The following NECAP1 variants were observed in gnomAD, a reference collection of about 807,000 sequenced individuals.
The protein encoded by NECAP1 is adaptin ear-binding coat-associated protein 1.
A neutral mutation model predicts 33.4 loss-of-function variants in NECAP1; 13 were observed. The observed-to-expected ratio is 0.39, with a 90% CI of 0.25 to 0.62. NECAP1 has a LOEUF of 0.62. Among genes scored for constraint, NECAP1 ranks in the 20% least tolerant of loss-of-function variants. NECAP1 has a pLI of 0.52. For synonymous variants in NECAP1, 109 were observed against 125.2 expected (o/e 0.87, Z 0.86); for missense variants, 272 against 347.4 (o/e 0.78, Z 1.73).
At position 8,082,465 on chromosome 12, in the gene NECAP1, C is replaced by T. The variant is rs1947448455; in HGVS notation, c.95+82C>T. 9.6e-6 allele frequency: 12 copies of T among 1,250,732 alleles called. No homozygotes were observed. In the South Asian group the frequency reaches 1.5e-4, roughly 16 times the overall value. 77.5% of individuals were successfully genotyped at this position (1,250,732 alleles called of 1,614,324 possible). On this transcript the variant is annotated intron_variant, in intron 1 of 7. Coordinates refer to ENST00000339754, the MANE Select transcript of NECAP1 (RefSeq NM_015509.4). ...TTCTCAGCTAGCACGCTGTCCGTCC[C>T]TGCCACTACTACCTCTGTATTGTCA...
chr12:8,095,158 T>G (rs1947583017), intron 6 of NECAP1: 1 of 165,378 alleles, frequency 6.0e-6, no homozygotes, highest in African/African-American at 2.4e-5. Flanking sequence ...TTGTTTACAG[T>G]TTTTGACCAT....
rs771902963 is a variant in NECAP1, at chr12:8,090,239, G to T, written c.241G>T (p.Ala81Ser). Residue 81 changes from alanine to serine, a missense_variant, in exon 3 of 8, where the codon GCT (alanine) becomes TCT (serine). Coordinates refer to ENST00000339754, the MANE Select transcript of NECAP1 (RefSeq NM_015509.4). ...QAPVEQYPGI[A>S]VETVTDSSRY... ...ACCAGTAGAACAATATCCTGGTATT[G>T]CTGTGGAGACGGTGACAGATTCTAG... 38 of 1,614,038 alleles carry T rather than the reference G, an allele frequency of 2.4e-5. No homozygotes were observed. The South Asian group carries it at 3.8e-4, about 16-fold the overall frequency.
intron 1 of NECAP1, among the ~76,000 whole-genome samples, chr12:8,085,382 C>CCACAACCT (rs1644095379): frequency 6.6e-6 from 1 of 152,202 alleles, no homozygotes; most frequent in Non-Finnish European, 1.5e-5. Flanking sequence ...TCTTAGTTTT[C>CCACAACCT]CACAACCTTT....
chr12:8,085,306 CCG>C (rs1565642923), intron 1 of NECAP1, among the ~76,000 whole-genome samples: 5 of 136,348 alleles, frequency 3.7e-5, no homozygotes, highest in East Asian at 1.9e-4. Flanking sequence ...GCGTGAGCCA[CCG>C]CACCCGGCCT....
At chr12:8,085,897 G>T (rs1947485916) in intron 1 of NECAP1, among the ~76,000 whole-genome samples, 1 of 151,792 alleles carries the variant, frequency 6.6e-6, no homozygotes, top group African/African-American at 2.4e-5. Flanking sequence ...TAGAGATGGG[G>T]TTTCACCATG....
intron 7 of NECAP1, 169 bp downstream of exon 7, chr12:8,095,872 A>T (rs1417401083): frequency 2.7e-6 from 3 of 1,095,198 alleles, no homozygotes; most frequent in South Asian, 1.5e-5. Flanking sequence ...GGGACAAAAA[A>T]GCTGTAGGAT....
rs1348325779 is a variant in NECAP1 at position 8,096,778 on chromosome 12, T to C, written c.*688T>C. 2.6e-5 allele frequency: 1 copy of C among 38,688 alleles called. No homozygotes were observed. Among genetic ancestry groups the C allele is most frequent in the African/African-American group, 5.5e-5 (1 of 18,158 alleles). 2.4% of individuals were successfully genotyped at this position (38,688 alleles called of 1,614,324 possible). On this transcript the variant is annotated 3_prime_UTR_variant, in exon 8 of 8. Coordinates refer to ENST00000339754, the MANE Select transcript of NECAP1 (RefSeq NM_015509.4). ...ACCTCCACTACTCTTTTCTGTTTGT[T>C]GAGTTTGAATTGTGTTAACATCTTT...
rs775515874 is a variant in NECAP1, at chr12:8,082,280, G to T, written c.-9G>T. The T allele has an allele frequency of 6.3e-7, 1 of 1,585,676 alleles. No homozygotes were observed. Among genetic ancestry groups the T allele is most frequent in the Non-Finnish European group, 8.6e-7 (1 of 1,156,384 alleles). ...TTTCGCCCCCGGCAGCGCCGACAGC[G>T]GACCCAAGATGGCGACCGAGTTGGA... On this transcript the variant is annotated 5_prime_UTR_variant, in exon 1 of 8. Transcript: ENST00000339754.
At chr12:8,095,004 G>A (rs947088870) in intron 6 of NECAP1, among the ~76,000 whole-genome samples, 7 of 152,140 alleles carry the variant, frequency 4.6e-5, no homozygotes, top group African/African-American at 1.7e-4. Flanking sequence ...TAACCTTTGG[G>A]ACAGGCTTTT....
chr12:8,093,183 G>T, intron 6 of NECAP1, 128 bp downstream of exon 6: 1 of 917,382 alleles, frequency 1.1e-6, no homozygotes, highest in Non-Finnish European at 1.6e-6. Flanking sequence ...GATTCTGTCA[G>T]CTTCTAGCAA....
At position 8,096,033 on chromosome 12, in the gene NECAP1, GTC is replaced by G; in HGVS notation, c.780-7_780-6del. The G allele has an allele frequency of 6.2e-7, 1 of 1,614,078 alleles. No individual in the cohort carries two copies. Among genetic ancestry groups the G allele is most frequent in the African/African-American group, 1.3e-5 (1 of 75,042 alleles). On this transcript the variant is annotated splice_polypyrimidine_tract_variant and splice_region_variant and intron_variant, in intron 7 of 7. Coordinates refer to ENST00000339754, the MANE Select transcript of NECAP1 (RefSeq NM_015509.4). The stretch of plus-strand genomic sequence containing the variant: ...TGTCTCTGGCTTTCTCTGTTCTCCT[GTC>G]TTGCAGCTCTGTTCCAAACCAGGCA...
At chr12:8,082,648 C>A in intron 1 of NECAP1, 1 of 443,370 alleles carries the variant, frequency 2.3e-6, no homozygotes, top group Non-Finnish European at 4.2e-6. Context: ...CCGTAATCCC[C>A]TGGGGCACCC....
Position 8,082,279 on chromosome 12 carries a change from C to G in NECAP1, c.-10C>G, listed in dbSNP as rs1402975621. 5.0e-6 allele frequency: 8 copies of G among 1,584,744 alleles called. No homozygotes were observed. Among genetic ancestry groups the G allele is most frequent in the Non-Finnish European group, 6.9e-6 (8 of 1,155,822 alleles). ...GTTTCGCCCCCGGCAGCGCCGACAG[C>G]GGACCCAAGATGGCGACCGAGTTGG... On this transcript the variant is annotated 5_prime_UTR_variant, in exon 1 of 8. Transcript: ENST00000339754.
chr12:8,086,956 C>A (rs1947496111), intron 1 of NECAP1, among the ~76,000 whole-genome samples: 1 of 151,682 alleles, frequency 6.6e-6, no homozygotes, highest in African/African-American at 2.4e-5. Flanking sequence ...CACACACACA[C>A]ACACAAATAA....
intron 3 of NECAP1, chr12:8,091,464 A>G (rs866620094): frequency 2.8e-6 from 1 of 354,234 alleles, no homozygotes; most frequent in Middle Eastern, 8.2e-4. Context: ...AGACAGTGAC[A>G]GATCATCAGG....
At chr12:8,085,430 A>G (rs1480708465) in intron 1 of NECAP1, among the ~76,000 whole-genome samples, 1 of 152,190 alleles carries the variant, frequency 6.6e-6, no homozygotes, top group Non-Finnish European at 1.5e-5. Flanking sequence ...CCATTAAAGC[A>G]GTTTCTTAAT....
At position 8,096,151 on chromosome 12, in the gene NECAP1, A is replaced by G. The variant is rs151116591; in HGVS notation, c.*61A>G. The G allele has an allele frequency of 1.6e-3, 2,499 of 1,539,242 alleles. 40 individuals are homozygous for G. In the African/African-American group the frequency reaches 0.029, roughly 18 times the overall value. On this transcript the variant is annotated 3_prime_UTR_variant, in exon 8 of 8. Coordinates refer to ENST00000339754, the MANE Select transcript of NECAP1 (RefSeq NM_015509.4). Reference sequence around the variant, plus strand: ...AATAAAAATGACCTTGAGGGCACCAATCTGTGAGGGAAGTTAGGAACCCAT... The same window carrying G: ...AATAAAAATGACCTTGAGGGCACCAGTCTGTGAGGGAAGTTAGGAACCCAT...
intron 1 of NECAP1, among the ~76,000 whole-genome samples, chr12:8,088,177 G>T (rs1157171796): frequency 3.3e-5 from 5 of 152,056 alleles, no homozygotes; most frequent in Admixed American, 3.3e-4. Flanking sequence ...TTTCATGGCC[G>T]TTTGTATCTC....
At chr12:8,085,416 T>A (rs1386126977) in intron 1 of NECAP1, among the ~76,000 whole-genome samples, 2 of 152,238 alleles carry the variant, frequency 1.3e-5, no homozygotes, top group African/African-American at 4.8e-5. Flanking sequence ...TTAACTGCAC[T>A]GAGCCATTAA....
Sources: allele counts gnomAD v4.1 joint callset (sites outside exome capture counted in the v4.1 genomes callset), GRCh38; gene constraint gnomAD v4.1.1; transcripts MANE v1.5; gene names NCBI Gene and HGNC (gene_info 2026-07-23, HGNC 2026-07-21).